Variants in MUC5AC observed in about 807,000 individuals in gnomAD.
The protein encoded by MUC5AC is mucin-5AC.
A neutral mutation model predicts 169.7 loss-of-function variants in MUC5AC; 158 were observed. That is an observed-to-expected ratio of 0.93 (90% CI 0.82 to 1.06). MUC5AC has a LOEUF of 1.06. MUC5AC is among the 50% of genes least tolerant of loss of function. The pLI, the probability that MUC5AC is intolerant of heterozygous loss-of-function variation, is 0.00. For missense variants in MUC5AC, 4,359 were observed against 3,089.9 expected, an observed-to-expected ratio of 1.41 and a Z score of -9.74; for synonymous variants, 1,975 against 1,237.0, an observed-to-expected ratio of 1.60 and a Z score of -12.52.
rs748370307 is a variant in MUC5AC, at chr11:1,195,931, G to A, written c.15514G>A (p.Val5172Ile). Residue 5172 changes from valine to isoleucine, a missense_variant, in exon 37 of 49, where the codon GTC (valine) becomes ATC (isoleucine). By Grantham distance (29) the Val-to-Ile change is conservative. Transcript: ENST00000621226. ...CCCACTGCTGTTCTATGAGGGCTGCGTCTTTGACCGGTGCCACATGACGGA... is the reference window on the plus strand; with the variant it reads ...CCCACTGCTGTTCTATGAGGGCTGCATCTTTGACCGGTGCCACATGACGGA... ...IPPLLFYEGC[V>I]FDRCHMTDLD... is the part of the protein sequence containing the mutation. 2.5e-5 allele frequency: 19 copies of A among 764,824 alleles called. No homozygotes were observed. The highest frequency in any genetic ancestry group is 2.2e-4 in the Middle Eastern group (1 of 4,458). The allele number at this position is 764,824 out of a possible 1,614,324, so 47.4% of individuals were successfully genotyped here.
intron 2 of MUC5AC, 48 bp downstream of exon 2, chr11:1,160,737 C>A: frequency 6.4e-7 from 1 of 1,562,182 alleles, no homozygotes; most frequent in Non-Finnish European, 8.7e-7. Context: ...AGATTCCACC[C>A]TCCACCGTGT....
chr11:1,158,323 A>G (rs1289593911), intron 1 of MUC5AC, among the ~76,000 whole-genome samples: 1 of 152,124 alleles, frequency 6.6e-6, no homozygotes, highest in African/African-American at 2.4e-5. Context: ...AGGAGCTCAG[A>G]TCTCGGGCTT....
At chr11:1,162,369 C>T (rs1052003576) in intron 4 of MUC5AC, among the ~76,000 whole-genome samples, 163 bp from the exon 5 acceptor site, 2 of 152,152 alleles carry the variant, frequency 1.3e-5, no homozygotes, top group Non-Finnish European at 2.9e-5. Flanking sequence ...TCTGCCCCTT[C>T]CTAGCTCCTC....
intron 28 of MUC5AC, 51 bp from the exon 29 acceptor site, chr11:1,181,088 A>G: frequency 2.5e-6 from 1 of 398,520 alleles, no homozygotes; most frequent in Middle Eastern, 6.3e-4. Context: ...TGCCCGTGGA[A>G]GGCACACGGC....
rs1214204395 is a variant in MUC5AC, at chr11:1,188,824, G to T, written c.10679G>T (p.Arg3560Leu). The change falls in exon 31 of 49, where the codon CGA (arginine) becomes CTA (leucine). Residue 3560 changes from arginine (R) to leucine (L), a missense_variant. By Grantham distance (102) the Arg-to-Leu change is moderately radical. Coordinates refer to ENST00000621226, the MANE Select transcript of MUC5AC (RefSeq NM_001304359.2). Reference protein sequence around the residue: ...IIRSGEKICRRPEEITRLQCR... With the variant: ...IIRSGEKICRLPEEITRLQCR... ...AGGAGTGGGGAAAAAATCTGCCGCC[G>T]ACCTGAGGAGATCACCAGGCTCCAG... The T allele has an allele frequency of 6.6e-6, 5 of 759,926 alleles. No individual in the cohort carries two copies. The highest frequency in any genetic ancestry group is 4.1e-5 in the South Asian group (3 of 73,722). The allele number at this position is 759,926 out of a possible 1,614,324, so 47.1% of individuals were successfully genotyped here.
chr11:1,173,009 C>A (rs1860584354), intron 16 of MUC5AC, among the ~76,000 whole-genome samples: 1 of 147,950 alleles, frequency 6.8e-6, no homozygotes, highest in Admixed American at 6.7e-5. Flanking sequence ...CACCCGTTCA[C>A]CCATTCGCCC....
In MUC5AC at chr11:1,161,738, C is replaced by T. The variant is rs546580928; in HGVS notation, c.211+152C>T. Among the ~76,000 whole-genome samples, 364 of 152,222 alleles carry T rather than the reference C, an allele frequency of 2.4e-3. 2 individuals carry two copies. The highest frequency in any genetic ancestry group is 8.6e-3 in the African/African-American group (356 of 41,542). On this transcript the variant is annotated intron_variant, in intron 3 of 48. Transcript: ENST00000621226. ...CCAGAGGGCCCAGCATCTCCCTGCA[C>T]ACGTTTCTGGGACTTCCCAGATGCA...
chr11:1,160,264 C>T (rs1383518339), intron 1 of MUC5AC, among the ~76,000 whole-genome samples: 1 of 152,120 alleles, frequency 6.6e-6, no homozygotes, highest in African/African-American at 2.4e-5. Flanking sequence ...CTGTACTGGA[C>T]AGGGGTCCCA....
chr11:1,191,765 T>G lies in MUC5AC; in HGVS notation c.13620T>G (p.Gly4540=). Residue 4540 remains glycine (G), a synonymous_variant, in exon 31 of 49, where the codon GGT becomes GGG. Transcript: ENST00000621226. ...CCTCTACAGCCAGCACAACCTCTGG[T>G]CCTGGAACTTCTCTCAGCCCTGTTC... ...TSASTASTTS[G]PGTSLSPVPT... The G allele has an allele frequency of 1.3e-6, 1 of 758,852 alleles. No individual in the cohort carries two copies. The highest frequency in any genetic ancestry group is 2.4e-6 in the Non-Finnish European group (1 of 415,012). 47.0% of individuals were successfully genotyped at this position (758,852 alleles called of 1,614,324 possible). A position where few individuals can be genotyped will look rare whatever the true frequency, so the allele number is the denominator to read the frequency against.
intron 37 of MUC5AC, 126 bp from the exon 38 acceptor site, chr11:1,196,262 C>G (rs879682172): frequency 7.4e-5 from 50 of 678,598 alleles, no homozygotes; most frequent in Non-Finnish European, 1.2e-4. Context: ...TGTGGGAGGC[C>G]GTAGCCAGGC....
In MUC5AC at chr11:1,186,400, C is replaced by T; in HGVS notation, c.8255C>T (p.Pro2752Leu). The change falls in exon 31 of 49, where the codon CCT (proline) becomes CTT (leucine). Residue 2752 changes from proline to leucine, a missense_variant. Coordinates refer to ENST00000621226, the MANE Select transcript of MUC5AC (RefSeq NM_001304359.2). ...CCTACACCCAGAAGAACCTCAGCCC[C>T]TACAACCAGCACAATCTCTGCCTCT... ...SAPTPRRTSA[P>L]TTSTISASTT... 1 of 706,272 alleles carries T rather than the reference C, an allele frequency of 1.4e-6. No individual in the cohort carries two copies. Among genetic ancestry groups the T allele is most frequent in the Admixed American group, 2.0e-5 (1 of 50,160 alleles). The allele number at this position is 706,272 out of a possible 1,614,324, so 43.8% of individuals were successfully genotyped here.
Position 1,187,679 on chromosome 11 carries a change from C to T in MUC5AC, c.9534C>T (p.Thr3178=), listed in dbSNP as rs1860988142. 5 of 765,112 alleles carry T rather than the reference C, an allele frequency of 6.5e-6. No homozygotes were observed. Among genetic ancestry groups the T allele is most frequent in the African/African-American group, 1.7e-5 (1 of 59,244 alleles). The allele number at this position is 765,112 out of a possible 1,614,324, so 47.4% of individuals were successfully genotyped here. The change falls in exon 31 of 49, where the codon ACC becomes ACT. Residue 3178 remains threonine (T), a synonymous_variant. Transcript: ENST00000621226. ...PRTSTTSAST[T]STTPGPGTTP... is the part of the protein sequence containing the mutation. ...CCAGCACCACTTCTGCCTCTACAAC[C>T]AGCACAACCCCTGGTCCTGGAACCA...
intron 43 of MUC5AC, among the ~76,000 whole-genome samples, chr11:1,198,661 G>T (rs115193089): frequency 1.3e-5 from 2 of 152,120 alleles, no homozygotes; most frequent in Admixed American, 1.3e-4. Flanking sequence ...GGGGTGCAGC[G>T]TGGGGCTCTG....
At chr11:1,158,249 T>A (rs1383907098) in intron 1 of MUC5AC, among the ~76,000 whole-genome samples, 177 bp downstream of exon 1, 1 of 152,150 alleles carries the variant, frequency 6.6e-6, no homozygotes, top group East Asian at 1.9e-4. Context: ...CCTTGTGGGG[T>A]TGGGAAGGGA....
rs1860570611 is a variant in MUC5AC, at chr11:1,172,414, C to G, written c.1871-15C>G. ...CCTGATCTTAATCCTAACCCTATCC[C>G]TCCTCTGTCCACAGAGAAGTATGCT... On this transcript the variant is annotated splice_polypyrimidine_tract_variant and intron_variant, in intron 15 of 48. Transcript: ENST00000621226. 5.0e-6 allele frequency: 2 copies of G among 398,654 alleles called. No individual in the cohort carries two copies. Among genetic ancestry groups the G allele is most frequent in the East Asian group, 3.6e-5 (1 of 28,074 alleles). The allele number at this position is 398,654 out of a possible 1,614,324, so 24.7% of individuals were successfully genotyped here. A position where few individuals can be genotyped will look rare whatever the true frequency, so the allele number is the denominator to read the frequency against.
chr11:1,161,992 C>A lies in MUC5AC; in HGVS notation c.297C>A (p.Phe99Leu), dbSNP rs2133714811. ...YKTFDGDVFR[F>L]PGLCNYVFSE... is the part of the protein sequence containing the mutation. ...CCTTCGACGGCGACGTCTTCCGCTT[C>A]CCCGGCCTCTGCAACTACGTGTTCT... The change falls in exon 4 of 49, where the codon TTC becomes TTA. Residue 99 changes from phenylalanine (F) to leucine (L), a missense_variant. By Grantham distance (22) the Phe-to-Leu change is conservative. Coordinates refer to ENST00000621226, the MANE Select transcript of MUC5AC (RefSeq NM_001304359.2). The A allele has an allele frequency of 6.2e-7, 1 of 1,612,428 alleles. No homozygotes were observed. The highest frequency in any genetic ancestry group is 8.5e-7 in the Non-Finnish European group (1 of 1,179,728).
intron 4 of MUC5AC, 56 bp downstream of exon 4, chr11:1,162,224 G>T: frequency 1.3e-6 from 2 of 1,580,722 alleles, no homozygotes; most frequent in Admixed American, 1.7e-5. Flanking sequence ...TGGCATTTCC[G>T]GGTGGTTGCG....
Position 1,186,170 on chromosome 11 carries a change from C to T in MUC5AC, c.8025C>T (p.Ser2675=). The change falls in exon 31 of 49, where the codon AGC becomes AGT. Residue 2675 remains serine (S), a synonymous_variant. Transcript: ENST00000621226. ...GCACAATCTCTGTTCCTACCACCAGCACAACTTCTGCTTCTACAACCAGCA... is the reference window on the plus strand; with the variant it reads ...GCACAATCTCTGTTCCTACCACCAGTACAACTTCTGCTTCTACAACCAGCA... ...TTSTISVPTT[S]TTSASTTSTT... 1 of 747,412 alleles carries T rather than the reference C, an allele frequency of 1.3e-6. No homozygotes were observed. 46.3% of individuals were successfully genotyped at this position (747,412 alleles called of 1,614,324 possible). A position where few individuals can be genotyped will look rare whatever the true frequency, so the allele number is the denominator to read the frequency against.
Position 1,182,192 on chromosome 11 carries a change from C to A in MUC5AC, c.4047C>A (p.Ser1349Arg), listed in dbSNP as rs1004680725. The A allele has an allele frequency of 4.0e-5, 16 of 398,762 alleles. No individual in the cohort carries two copies. The highest frequency in any genetic ancestry group is 3.3e-4 in the African/African-American group (16 of 48,762). The allele number at this position is 398,762 out of a possible 1,614,324, so 24.7% of individuals were successfully genotyped here. Reference protein sequence around the residue: ...SSTHTPSNGPSSAHTGPPSSA... With the variant: ...SSTHTPSNGPRSAHTGPPSSA... ...CGCACACCCCCAGCAATGGCCCAAG[C>A]AGCGCGCACACAGGCCCTCCGAGCA... is the stretch of plus-strand genomic sequence containing the variant. The change falls in exon 31 of 49, where the codon AGC becomes AGA. Residue 1349 changes from serine (S) to arginine (R), a missense_variant. Coordinates refer to ENST00000621226, the MANE Select transcript of MUC5AC (RefSeq NM_001304359.2).
Sources: allele counts gnomAD v4.1 joint callset (sites outside exome capture counted in the v4.1 genomes callset), GRCh38; gene constraint gnomAD v4.1.1; transcripts MANE v1.5; gene names NCBI Gene and HGNC (gene_info 2026-07-23, HGNC 2026-07-21).